Variants in ARHGAP10 observed in about 807,000 individuals in gnomAD.
ARHGAP10 encodes rho GTPase-activating protein 10.
In ARHGAP10, 87 loss-of-function variants were observed where a neutral mutation model predicts 108.6. The ratio of observed to expected loss-of-function variants is 0.80; its 90% confidence interval spans 0.67 to 0.96. The LOEUF is 0.96. ARHGAP10 is among the 40% of genes least tolerant of loss of function. The pLI, the probability that ARHGAP10 is intolerant of heterozygous loss-of-function variation, is 0.00. For synonymous variants in ARHGAP10, 347 were observed against 341.1 expected (o/e 1.02, Z -0.19); for missense variants, 939 against 954.5 (o/e 0.98, Z 0.21).
intron 14 of ARHGAP10, among the ~76,000 whole-genome samples, chr4:147,940,616 C>G (rs1738133545): frequency 6.6e-6 from 1 of 152,190 alleles, no homozygotes; most frequent in African/African-American, 2.4e-5. Flanking sequence ...TGTATCAAAC[C>G]AATCTGTCAT....
At chr4:147,993,319 T>G (rs1202895584) in intron 18 of ARHGAP10, among the ~76,000 whole-genome samples, 1 of 152,208 alleles carries the variant, frequency 6.6e-6, no homozygotes, top group Non-Finnish European at 1.5e-5. Context: ...GAACTAAGAT[T>G]GGTCATGAGT....
At chr4:148,019,714 G>T (rs1344322393) in intron 18 of ARHGAP10, among the ~76,000 whole-genome samples, 1 of 151,510 alleles carries the variant, frequency 6.6e-6, no homozygotes, top group Non-Finnish European at 1.5e-5. Flanking sequence ...GAGCTGAGCC[G>T]AGATCGCGCC....
Position 148,046,952 on chromosome 4 carries a change from C to T in ARHGAP10, c.1928C>T (p.Ser643Phe). 1 of 1,614,186 alleles carries T rather than the reference C, an allele frequency of 6.2e-7. No homozygotes were observed. Among genetic ancestry groups the T allele is most frequent in the Middle Eastern group, 1.6e-4 (1 of 6,062 alleles). Residue 643 changes from serine (S) to phenylalanine (F), a missense_variant, in exon 20 of 23, where the codon TCC becomes TTC. By Grantham distance (155) the Ser-to-Phe change is radical. Transcript: ENST00000336498. ...ACCAGCAGTCTGGACTCACTTTCCTCCCCGTCTCCCGTGACTACAGCTGTC... is the reference window on the plus strand; with the variant it reads ...ACCAGCAGTCTGGACTCACTTTCCTTCCCGTCTCCCGTGACTACAGCTGTC... ...TPTSSLDSLSSPSPVTTAVPG... is the reference protein window; with the variant it reads ...TPTSSLDSLSFPSPVTTAVPG...
At chr4:148,022,101 A>G (rs1043222809) in intron 18 of ARHGAP10, among the ~76,000 whole-genome samples, 1 of 152,242 alleles carries the variant, frequency 6.6e-6, no homozygotes, top group Non-Finnish European at 1.5e-5. Flanking sequence ...GTTGTGTACC[A>G]CTTTTAATAT....
chr4:147,875,898 A>C (rs571994163), intron 8 of ARHGAP10, among the ~76,000 whole-genome samples: 2 of 152,344 alleles, frequency 1.3e-5, no homozygotes, highest in South Asian at 4.1e-4. Flanking sequence ...TACTACGTCA[A>C]CTGTACAACC....
chr4:147,956,435 A>G (rs1420958263), intron 16 of ARHGAP10, among the ~76,000 whole-genome samples: 1 of 152,176 alleles, frequency 6.6e-6, no homozygotes, highest in Non-Finnish European at 1.5e-5. Flanking sequence ...GGCTTTTGGA[A>G]AAGCAAAAAC....
chr4:147,759,960 G>C (rs1729529324), intron 1 of ARHGAP10, among the ~76,000 whole-genome samples: 1 of 152,094 alleles, frequency 6.6e-6, no homozygotes, highest in Admixed American at 6.5e-5. Flanking sequence ...ATGTTGGCCA[G>C]GCTGATCTCA....
At chr4:147,817,477 G>A (rs1453383360) in intron 1 of ARHGAP10, among the ~76,000 whole-genome samples, 2 of 152,210 alleles carry the variant, frequency 1.3e-5, no homozygotes, top group Non-Finnish European at 2.9e-5. Flanking sequence ...TCAAGGACAA[G>A]CAGTGGCAGT....
intron 1 of ARHGAP10, among the ~76,000 whole-genome samples, chr4:147,794,830 G>T (rs1283703019): frequency 2.0e-5 from 3 of 152,126 alleles, no homozygotes; most frequent in African/African-American, 7.2e-5. Context: ...TGATTTTAAT[G>T]TTCTTGTGGT....
At chr4:147,984,511 C>T (rs1488582703) in intron 18 of ARHGAP10, among the ~76,000 whole-genome samples, 1 of 152,204 alleles carries the variant, frequency 6.6e-6, no homozygotes, top group Non-Finnish European at 1.5e-5. Flanking sequence ...GCTCCCACCT[C>T]CCTTGTGGGA....
intron 7 of ARHGAP10, among the ~76,000 whole-genome samples, chr4:147,872,034 C>T (rs1325860898): frequency 3.5e-5 from 5 of 143,454 alleles, no homozygotes; most frequent in Non-Finnish European, 4.5e-5. Context: ...CCTGGGAGGT[C>T]GAGGCTGCAG....
intron 13 of ARHGAP10, among the ~76,000 whole-genome samples, chr4:147,922,548 C>A (rs1381666517): frequency 6.6e-6 from 1 of 151,104 alleles, no homozygotes; most frequent in African/African-American, 2.4e-5. Flanking sequence ...AATAGCCGGG[C>A]GTAGTGGCGG....
chr4:147,804,369 A>G (rs532384595), intron 1 of ARHGAP10, among the ~76,000 whole-genome samples: 15 of 152,276 alleles, frequency 9.9e-5, no homozygotes, highest in Admixed American at 5.2e-4. Flanking sequence ...TCCATGGTGT[A>G]TATGTACCAC....
chr4:147,791,116 T>A (rs1731103450), intron 1 of ARHGAP10, among the ~76,000 whole-genome samples: 1 of 150,670 alleles, frequency 6.6e-6, no homozygotes, highest in African/African-American at 2.4e-5. Flanking sequence ...TCTTTACTTT[T>A]TTTTTTTTTT....
chr4:147,939,353 T>TA (rs1318358621), intron 13 of ARHGAP10, among the ~76,000 whole-genome samples: 4 of 152,086 alleles, frequency 2.6e-5, no homozygotes, highest in African/African-American at 9.7e-5. Flanking sequence ...GTAACAACTT[T>TA]AAAAAAAATT....
At chr4:147,973,063 A>T (rs1739468999) in intron 18 of ARHGAP10, among the ~76,000 whole-genome samples, 1 of 152,020 alleles carries the variant, frequency 6.6e-6, no homozygotes, top group South Asian at 2.1e-4. Flanking sequence ...CCTAATGGTG[A>T]CATTTCTGTT....
chr4:147,819,201 T>C (rs192656559), intron 1 of ARHGAP10, among the ~76,000 whole-genome samples: 1 of 152,306 alleles, frequency 6.6e-6, no homozygotes, highest in African/African-American at 2.4e-5. Context: ...TGAAACACCA[T>C]CTTTAAAATA....
intron 22 of ARHGAP10, among the ~76,000 whole-genome samples, chr4:148,069,101 T>C (rs1730035846): frequency 6.6e-6 from 1 of 151,912 alleles, no homozygotes; most frequent in Non-Finnish European, 1.5e-5. Context: ...GGAGGAGTGG[T>C]GTGATAAACT....
At chr4:148,031,008 G>A (rs772609572) in intron 19 of ARHGAP10, among the ~76,000 whole-genome samples, 61 of 152,074 alleles carry the variant, frequency 4.0e-4, no homozygotes, top group Non-Finnish European at 6.6e-4. Context: ...GCAGCGAGCC[G>A]TGATTATACC....
Sources: allele counts gnomAD v4.1 joint callset (sites outside exome capture counted in the v4.1 genomes callset), GRCh38; gene constraint gnomAD v4.1.1; transcripts MANE v1.5; gene names NCBI Gene and HGNC (gene_info 2026-07-23, HGNC 2026-07-21).